DACH2: variants seen among roughly 807,000 people sequenced by gnomAD.
DACH2 encodes dachshund homolog 2.
DACH2 carries 17 observed loss-of-function variants against 35.8 expected under a neutral mutation model. The ratio of observed to expected loss-of-function variants is 0.48; its 90% CI spans 0.33 to 0.71. The LOEUF (loss-of-function observed/expected upper bound fraction) is 0.71, where lower values mean the gene tolerates loss of function less well. Ranked by LOEUF, DACH2 falls within the 30% of genes least tolerant of loss-of-function variation. DACH2 has a pLI of 0.02. For synonymous variants in DACH2, 195 were observed against 177.3 expected (o/e 1.10, Z -0.79); for missense variants, 469 against 472.7 (o/e 0.99, Z 0.07).
chrX:86,441,346 G>A (rs957948565), intron 2 of DACH2, among the ~76,000 whole-genome samples: 2 of 111,099 alleles, frequency 1.8e-5, no homozygotes, highest in Non-Finnish European at 3.8e-5. Flanking sequence ...ATTTTTAGGT[G>A]CCACAAATGA....
chrX:86,458,553 C>A (rs1367657262), intron 2 of DACH2, among the ~76,000 whole-genome samples: 1 of 111,323 alleles, frequency 9.0e-6, no homozygotes, highest in Non-Finnish European at 1.9e-5. Context: ...TACATGACTT[C>A]AAATAGTGAT....
chrX:86,708,652 T>C (rs1488251071), intron 5 of DACH2, among the ~76,000 whole-genome samples: 2 of 106,512 alleles, frequency 1.9e-5, no homozygotes, highest in Non-Finnish European at 3.9e-5. Flanking sequence ...GGGAAGGGAG[T>C]GGGGGAGGAG....
chrX:86,231,022 T>C (rs7880260), intron 1 of DACH2, among the ~76,000 whole-genome samples: 3,792 of 112,216 alleles, frequency 0.034, 158 homozygotes, highest in African/African-American at 0.12. Context: ...TTTCTTTTGC[T>C]AGGTTTGGGT....
At chrX:86,293,567 G>T (rs1364700032) in intron 1 of DACH2, among the ~76,000 whole-genome samples, 7 of 110,434 alleles carry the variant, frequency 6.3e-5, no homozygotes, top group African/African-American at 9.9e-5. Context: ...GGTACCGGTT[G>T]TTCCTTTCCA....
At chrX:86,533,469 A>G (rs1194059407) in intron 3 of DACH2, among the ~76,000 whole-genome samples, 1 of 111,315 alleles carries the variant, frequency 9.0e-6, no homozygotes, top group East Asian at 2.8e-4. Flanking sequence ...AACCTAAATA[A>G]ACTTCTCTCT....
At chrX:86,586,189 T>G (rs139172682) in intron 3 of DACH2, among the ~76,000 whole-genome samples, 9,839 of 111,511 alleles carry the variant, frequency 0.088, 1,083 homozygotes, top group African/African-American at 0.31. Context: ...TTTCATATGC[T>G]TGTTGGCCAC....
chrX:86,729,016 G>A (rs1365057754), intron 6 of DACH2, among the ~76,000 whole-genome samples: 5 of 112,013 alleles, frequency 4.5e-5, no homozygotes, highest in Admixed American at 9.4e-5. Flanking sequence ...AAGGGGCTAC[G>A]GGCTCTGAGA....
chrX:86,345,650 A>C (rs2035483533), intron 1 of DACH2, among the ~76,000 whole-genome samples: 2 of 112,309 alleles, frequency 1.8e-5, no homozygotes, highest in Admixed American at 1.9e-4. Context: ...AAATTTATCA[A>C]ATTTTTTAGT....
chrX:86,302,310 G>C (rs532252227), intron 1 of DACH2, among the ~76,000 whole-genome samples: 3 of 111,139 alleles, frequency 2.7e-5, no homozygotes, highest in Non-Finnish European at 5.7e-5. Flanking sequence ...TGTTCTAGCC[G>C]TGAGTTGGCA....
intron 2 of DACH2, among the ~76,000 whole-genome samples, chrX:86,479,090 A>G (rs1251353482): frequency 3.6e-5 from 4 of 110,914 alleles, no homozygotes; most frequent in Non-Finnish European, 7.6e-5. Context: ...TGGGCCACCC[A>G]GCAGCTGGAC....
chrX:86,373,552 G>A (rs1037344115), intron 1 of DACH2, among the ~76,000 whole-genome samples: 2 of 110,999 alleles, frequency 1.8e-5, no homozygotes, highest in African/African-American at 3.3e-5. Flanking sequence ...TGTAGGGGCA[G>A]TAGCTGTCAT....
rs770920053 is a variant in DACH2 at position 86,765,141 on chromosome X, C to T, written c.1240+25259C>T. The stretch of plus-strand genomic sequence containing the variant: ...TGTAATTGTGGACCTTTGTCAGATG[C>T]ATGGTTTGTGAATATTTTTCCCCTT... On this transcript the variant is annotated intron_variant, in intron 7 of 11. Transcript: ENST00000373125. Among the ~76,000 whole-genome samples the T allele has an allele frequency of 9.9e-5, 11 of 111,123 alleles. No individual in the cohort carries two copies. The South Asian group carries it at 4.1e-3, about 42-fold the overall frequency.
intron 1 of DACH2, among the ~76,000 whole-genome samples, chrX:86,339,896 A>G (rs1348857696): frequency 1.8e-5 from 2 of 112,131 alleles, no homozygotes; most frequent in Non-Finnish European, 3.8e-5. Flanking sequence ...ATGGCCAGGT[A>G]CCATAATATT....
chrX:86,748,821 G>A (rs953929507), intron 7 of DACH2, among the ~76,000 whole-genome samples: 63 of 111,419 alleles, frequency 5.7e-4, no homozygotes, highest in South Asian at 3.7e-4. Context: ...GTCCTAGATG[G>A]CATCTTCTTC....
chrX:86,151,766 G>A (rs1481644254), intron 1 of DACH2, among the ~76,000 whole-genome samples: 4 of 111,492 alleles, frequency 3.6e-5, no homozygotes, highest in African/African-American at 1.3e-4. Context: ...AAAATTTTTA[G>A]ATCAACATTA....
chrX:86,297,502 C>A (rs887599294), intron 1 of DACH2, among the ~76,000 whole-genome samples: 1 of 111,647 alleles, frequency 9.0e-6, no homozygotes, highest in Admixed American at 9.5e-5. Context: ...TAGAAGCCTT[C>A]CAAATGAAAT....
At chrX:86,294,993 G>C (rs2034412959) in intron 1 of DACH2, among the ~76,000 whole-genome samples, 1 of 112,489 alleles carries the variant, frequency 8.9e-6, no homozygotes, top group South Asian at 3.6e-4. Flanking sequence ...AGCAAGCCTG[G>C]GCAATGGCGG....
intron 2 of DACH2, among the ~76,000 whole-genome samples, chrX:86,505,770 A>G (rs1240905546): frequency 8.9e-6 from 1 of 111,919 alleles, no homozygotes; most frequent in African/African-American, 3.2e-5. Flanking sequence ...CATAGGACCA[A>G]TCCTGCACCT....
chrX:86,636,404 C>G lies in DACH2; in HGVS notation c.641-14632C>G, dbSNP rs775692831. 4.7e-5 allele frequency among the ~76,000 whole-genome samples: 5 copies of G among 105,575 alleles called. No individual in the cohort carries two copies. In the East Asian group the frequency reaches 1.8e-3, roughly 37 times the overall value. The allele number at this position is 105,575 out of a possible 115,157, so 91.7% of individuals were successfully genotyped here. ...CAGAGGTTGCAGTGAGCTGAGATCA[C>G]CCCATTGCATTGCAGCCTGGGCAGC... On this transcript the variant is annotated intron_variant, in intron 3 of 11. Coordinates refer to ENST00000373125, the MANE Select transcript of DACH2 (RefSeq NM_053281.3).
Sources: allele counts gnomAD v4.1 joint callset (sites outside exome capture counted in the v4.1 genomes callset), GRCh38; gene constraint gnomAD v4.1.1; transcripts MANE v1.5; gene names NCBI Gene and HGNC (gene_info 2026-07-23, HGNC 2026-07-21).